NPTX2: variants seen among roughly 807,000 people sequenced by gnomAD.
NPTX2 encodes neuronal pentraxin 2.
NPTX2 carries 23 observed loss-of-function variants against 38.1 expected under a neutral mutation model. The observed-to-expected ratio is 0.60, with a 90% CI of 0.43 to 0.85. NPTX2 has a LOEUF of 0.85. Among genes scored for constraint, NPTX2 ranks in the 40% least tolerant of loss-of-function variants. The pLI, the probability that NPTX2 is intolerant of heterozygous loss-of-function variation, is 0.00. For missense variants in NPTX2, 553 were observed against 615.3 expected (o/e 0.90, Z 1.07); for synonymous variants, 291 against 287.3 (o/e 1.01, Z -0.13).
intron 4 of NPTX2, 47 bp downstream of exon 4, chr7:98,627,391 G>A: frequency 1.3e-6 from 2 of 1,533,260 alleles, no homozygotes; most frequent in Admixed American, 1.7e-5. Context: ...GTGCAGGATG[G>A]GCACAGGGTG....
chr7:98,628,816 T>G lies in NPTX2; in HGVS notation c.*187T>G. 2.2e-6 allele frequency: 1 copy of G among 460,940 alleles called. No individual in the cohort carries two copies. Among genetic ancestry groups the G allele is most frequent in the Non-Finnish European group, 3.8e-6 (1 of 260,746 alleles). The allele number at this position is 460,940 out of a possible 1,614,324, so 28.6% of individuals were successfully genotyped here. ...GCTTGTTTGTTCCCTACCAATATTC[T>G]GTTGCTGTTTGAAGTAGTGCCAGGG... On this transcript the variant is annotated 3_prime_UTR_variant, in exon 5 of 5. Transcript: ENST00000265634.
chr7:98,619,762 C>CAGAGCTG lies in NPTX2; in HGVS notation c.546_547insAGAGCTG (p.Glu183ArgfsTer10). 6.2e-7 allele frequency: 1 copy of CAGAGCTG among 1,613,538 alleles called. No homozygotes were observed. Among genetic ancestry groups the CAGAGCTG allele is most frequent in the Non-Finnish European group, 8.5e-7 (1 of 1,180,014 alleles). On this transcript the variant is annotated frameshift_variant, in exon 2 of 5. Transcript: ENST00000265634. LOFTEE classifies it high-confidence loss of function. ...TGCGCAAGGTGGCAGAGCTGGAGGACGAGAAGTCCCTGCTGCACAATGAGA... is the reference window on the plus strand; with the variant it reads ...TGCGCAAGGTGGCAGAGCTGGAGGACAGAGCTGGAGAAGTCCCTGCTGCACAATGAGA...
intron 4 of NPTX2, 80 bp downstream of exon 4, chr7:98,627,424 G>C (rs547481452): frequency 8.1e-7 from 1 of 1,232,716 alleles, no homozygotes; most frequent in East Asian, 2.4e-5. Context: ...TTCAGGGATG[G>C]TGCGAGGAGG....
chr7:98,617,655 A>G lies in NPTX2; in HGVS notation c.194A>G (p.Gln65Arg), dbSNP rs1215526983. The change falls in exon 1 of 5, where the codon CAG becomes CGG. Residue 65 changes from glutamine to arginine, a missense_variant. Transcript: ENST00000265634. ...GAGGAGCTGAGGGCCGCGGTGCTGC[A>G]GCTGCGCGAGACCGTCGTGCAGCAG... ...PEEELRAAVL[Q>R]LRETVVQQKE... The G allele has an allele frequency of 2.0e-6, 3 of 1,484,256 alleles. No homozygotes were observed. The South Asian group carries it at 3.8e-5, about 19-fold the overall frequency. 91.9% of individuals were successfully genotyped at this position (1,484,256 alleles called of 1,614,324 possible).
At position 98,629,137 on chromosome 7, in the gene NPTX2, C is replaced by G. The variant is rs1791401847; in HGVS notation, c.*508C>G. ...CCCCCCGATCTGCAAAAGGGCCTCT[C>G]CCTTTGTGTTCTATACATTGTGAAT... On this transcript the variant is annotated 3_prime_UTR_variant, in exon 5 of 5. Transcript: ENST00000265634. 1 of 153,168 alleles carries G rather than the reference C, an allele frequency of 6.5e-6. No individual in the cohort carries two copies. The highest frequency in any genetic ancestry group is 2.4e-5 in the African/African-American group (1 of 41,486). 9.5% of individuals were successfully genotyped at this position (153,168 alleles called of 1,614,324 possible).
In NPTX2 at chr7:98,617,436, G is replaced by A; in HGVS notation, c.-26G>A. Reference sequence around the variant, plus strand: ...CCGACGGCGCCCGCTCGCCCATGCCGAGCTGAGCGCGGCAGCGGCGGCGGG... The same window carrying A: ...CCGACGGCGCCCGCTCGCCCATGCCAAGCTGAGCGCGGCAGCGGCGGCGGG... On this transcript the variant is annotated 5_prime_UTR_variant, in exon 1 of 5. Coordinates refer to ENST00000265634, the MANE Select transcript of NPTX2 (RefSeq NM_002523.3). 6 of 878,846 alleles carry A rather than the reference G, an allele frequency of 6.8e-6. No individual in the cohort carries two copies. The highest frequency in any genetic ancestry group is 8.9e-6 in the Non-Finnish European group (6 of 676,752). 54.4% of individuals were successfully genotyped at this position (878,846 alleles called of 1,614,324 possible).
At chr7:98,626,196 C>T (rs1400988268) in intron 3 of NPTX2, among the ~76,000 whole-genome samples, 1 of 151,030 alleles carries the variant, frequency 6.6e-6, no homozygotes, top group Non-Finnish European at 1.5e-5. Context: ...CTGGGGACCT[C>T]TCACAGCCCT....
intron 1 of NPTX2, among the ~76,000 whole-genome samples, chr7:98,619,139 A>T (rs1791230631): frequency 6.6e-6 from 1 of 152,136 alleles, no homozygotes; most frequent in Non-Finnish European, 1.5e-5. Flanking sequence ...AAAAACAAAG[A>T]TTGCTGGAGT....
rs1278661100 is a variant in NPTX2 at position 98,619,728 on chromosome 7, G to A, written c.512G>A (p.Arg171Lys). 1 of 1,613,290 alleles carries A rather than the reference G, an allele frequency of 6.2e-7. No individual in the cohort carries two copies. The highest frequency in any genetic ancestry group is 8.5e-7 in the Non-Finnish European group (1 of 1,180,022). Residue 171 changes from arginine (R) to lysine (K), a missense_variant, in exon 2 of 5, where the codon AGG (arginine) becomes AAG (lysine). Arg to Lys is a conservative substitution (Grantham distance 26). Transcript: ENST00000265634. ...VLQQRLGELE[R>K]QLLRKVAELE... ...CAGCAGCGGCTGGGGGAGCTGGAGA[G>A]GCAGCTTCTGCGCAAGGTGGCAGAG...
At chr7:98,627,694 G>T (rs1455346615) in intron 4 of NPTX2, among the ~76,000 whole-genome samples, 1 of 152,168 alleles carries the variant, frequency 6.6e-6, no homozygotes, top group Non-Finnish European at 1.5e-5. Context: ...TGTGGTCATG[G>T]GTCATCTCGT....
chr7:98,629,099 C>T lies in NPTX2; in HGVS notation c.*470C>T, dbSNP rs1322946339. 6.5e-6 allele frequency: 1 copy of T among 154,342 alleles called. No individual in the cohort carries two copies. Among genetic ancestry groups the T allele is most frequent in the African/African-American group, 2.4e-5 (1 of 41,512 alleles). The allele number at this position is 154,342 out of a possible 1,614,324, so 9.6% of individuals were successfully genotyped here. A position where few individuals can be genotyped will look rare whatever the true frequency, so the allele number is the denominator to read the frequency against. On this transcript the variant is annotated 3_prime_UTR_variant, in exon 5 of 5. Coordinates refer to ENST00000265634, the MANE Select transcript of NPTX2 (RefSeq NM_002523.3). ...GCATCCCCGCTGGTGACTAAGCTCGCAGCAAGCGGCTACCCCCCGATCTGC... is the reference window on the plus strand; with the variant it reads ...GCATCCCCGCTGGTGACTAAGCTCGTAGCAAGCGGCTACCCCCCGATCTGC...
At chr7:98,624,656 G>A (rs948703275) in intron 2 of NPTX2, among the ~76,000 whole-genome samples, 15 of 152,092 alleles carry the variant, frequency 9.9e-5, no homozygotes, top group Non-Finnish European at 1.6e-4. Flanking sequence ...CTTCCCTCGC[G>A]TACCTGCTGC....
intron 4 of NPTX2, 113 bp from the exon 5 acceptor site, chr7:98,628,289 G>A: frequency 1.6e-6 from 1 of 609,008 alleles, no homozygotes. Flanking sequence ...AACAGGTAGT[G>A]TTGGTCAGAG....
In NPTX2 at chr7:98,629,452, T is replaced by C. The variant is rs201899324; in HGVS notation, c.*823T>C. ...GTTTGGAGGATTTGTTTTTTTTTTTTCCCAACAGAAAAGAACAGCCATTAG... is the reference window on the plus strand; with the variant it reads ...GTTTGGAGGATTTGTTTTTTTTTTTCCCCAACAGAAAAGAACAGCCATTAG... On this transcript the variant is annotated 3_prime_UTR_variant, in exon 5 of 5. Coordinates refer to ENST00000265634, the MANE Select transcript of NPTX2 (RefSeq NM_002523.3). The C allele has an allele frequency of 4.6e-5, 7 of 152,128 alleles. No individual in the cohort carries two copies. Among genetic ancestry groups the C allele is most frequent in the Non-Finnish European group, 7.4e-5 (5 of 67,986 alleles). The allele number at this position is 152,128 out of a possible 1,614,324, so 9.4% of individuals were successfully genotyped here.
Position 98,617,785 on chromosome 7 carries a change from G to T in NPTX2, c.324G>T (p.Thr108=). ...GCAAGGCGCGCGGCGCGGGGGCCACGGGCAAGGACACTATGGGCGACCTGC... is the reference window on the plus strand; with the variant it reads ...GCAAGGCGCGCGGCGCGGGGGCCACTGGCAAGGACACTATGGGCGACCTGC... ...AGGKARGAGA[T]GKDTMGDLPR... is the part of the protein sequence containing the mutation. Residue 108 remains threonine, a synonymous_variant, in exon 1 of 5, where the codon ACG becomes ACT. Transcript: ENST00000265634. 2 of 1,469,230 alleles carry T rather than the reference G, an allele frequency of 1.4e-6. No homozygotes were observed. Among genetic ancestry groups the T allele is most frequent in the Non-Finnish European group, 1.8e-6 (2 of 1,122,424 alleles). The allele number at this position is 1,469,230 out of a possible 1,614,324, so 91.0% of individuals were successfully genotyped here.
chr7:98,621,402 G>C (rs1791267700), intron 2 of NPTX2, among the ~76,000 whole-genome samples: 1 of 152,162 alleles, frequency 6.6e-6, no homozygotes, highest in South Asian at 2.1e-4. Flanking sequence ...AGGCAGCCCA[G>C]CCTCTCTTCA....
chr7:98,620,575 T>C (rs1791255606), intron 2 of NPTX2, among the ~76,000 whole-genome samples: 1 of 152,180 alleles, frequency 6.6e-6, no homozygotes, highest in Non-Finnish European at 1.5e-5. Flanking sequence ...ATGGCTTACC[T>C]GTTAGATCTG....
At chr7:98,619,917 C>A in intron 2 of NPTX2, 58 bp downstream of exon 2, 2 of 1,461,518 alleles carry the variant, frequency 1.4e-6, no homozygotes, top group South Asian at 2.4e-5. Flanking sequence ...CACTTGTGGT[C>A]AGACATGCGA....
Position 98,619,817 on chromosome 7 carries a change from A to G in NPTX2, c.601A>G (p.Thr201Ala). 1 of 1,613,890 alleles carries G rather than the reference A, an allele frequency of 6.2e-7. No homozygotes were observed. The highest frequency in any genetic ancestry group is 1.7e-5 in the Admixed American group (1 of 60,018). Residue 201 changes from threonine to alanine, a missense_variant, in exon 2 of 5, where the codon ACC becomes GCC. Coordinates refer to ENST00000265634, the MANE Select transcript of NPTX2 (RefSeq NM_002523.3). ...TSAHRQKTES[T>A]LNALLQRVTE... ...GGCTCACCGGCAGAAGACCGAGAGCACCCTGAACGCGCTGCTGCAGAGGGT... is the reference window on the plus strand; with the variant it reads ...GGCTCACCGGCAGAAGACCGAGAGCGCCCTGAACGCGCTGCTGCAGAGGGT...
Sources: gnomAD v4.1 joint callset for allele counts (sites outside exome capture counted in the v4.1 genomes callset) on GRCh38, gnomAD v4.1.1 for gene constraint, MANE v1.5 for transcripts, NCBI Gene and HGNC (gene_info 2026-07-23, HGNC 2026-07-21) for gene names.